Variants in MSI2 observed in about 807,000 individuals in gnomAD.
MSI2 encodes RNA-binding protein Musashi homolog 2.
In MSI2, 17 loss-of-function variants were observed where a neutral mutation model predicts 45.6. That is an observed-to-expected ratio of 0.37 (90% CI 0.26 to 0.56). MSI2 has a LOEUF of 0.56. Among genes scored for constraint, MSI2 ranks in the 20% least tolerant of loss-of-function variants. MSI2 has a pLI of 0.77. For missense variants in MSI2, 293 were observed against 444.2 expected (o/e 0.66, Z 3.06); for synonymous variants, 156 against 158.2 (o/e 0.99, Z 0.11).
intron 5 of MSI2, among the ~76,000 whole-genome samples, chr17:57,339,212 T>G (rs1914922926): frequency 6.6e-6 from 1 of 152,114 alleles, no homozygotes; most frequent in Non-Finnish European, 1.5e-5. Flanking sequence ...CACCACCCGG[T>G]TTCACTGAGC....
chr17:57,275,664 A>C (rs1264678534), intron 5 of MSI2, among the ~76,000 whole-genome samples: 1 of 152,178 alleles, frequency 6.6e-6, no homozygotes, highest in African/African-American at 2.4e-5. Context: ...GGGAACGGGG[A>C]ACAAGATCAT....
chr17:57,531,702 A>C (rs2086824346), intron 7 of MSI2: 1 of 152,168 alleles, frequency 6.6e-6, no homozygotes, highest in African/African-American at 2.4e-5. Context: ...CTGTGTGTCA[A>C]GCCCTGTGCT....
intron 6 of MSI2, among the ~76,000 whole-genome samples, chr17:57,445,644 G>A (rs923510638): frequency 1.3e-5 from 2 of 152,034 alleles, no homozygotes; most frequent in Non-Finnish European, 2.9e-5. Context: ...AGGGGAGTTG[G>A]TTCTATTAGA....
the MSI2 span, among the ~76,000 whole-genome samples, chr17:57,701,299 T>C: frequency 6.6e-6 from 1 of 152,208 alleles, no homozygotes; most frequent in African/African-American, 2.4e-5. Context: ...CCTGAATTCA[T>C]ATGCTGAAGC....
Position 57,677,112 on chromosome 17 carries a change from A to G in MSI2, c.*31+53A>G, listed in dbSNP as rs924603601. On this transcript the variant is annotated intron_variant, in intron 13 of 13. Transcript: ENST00000284073. The stretch of plus-strand genomic sequence containing the variant: ...GCCCTGCCGGTGTGTCCGTACATGT[A>G]TGTCCACAGGTCATACATGCACGTG... 9.5e-6 allele frequency: 12 copies of G among 1,258,050 alleles called. No individual in the cohort carries two copies. In the African/African-American group the frequency reaches 1.5e-4, roughly 15 times the overall value. 77.9% of individuals were successfully genotyped at this position (1,258,050 alleles called of 1,614,324 possible). A position where few individuals can be genotyped will look rare whatever the true frequency, so the allele number is the denominator to read the frequency against.
chr17:57,612,863 G>T (rs1293991304), intron 8 of MSI2, among the ~76,000 whole-genome samples: 1 of 152,186 alleles, frequency 6.6e-6, no homozygotes, highest in Non-Finnish European at 1.5e-5. Context: ...CTGGTTAGCG[G>T]TATTATTCCC....
At chr17:57,284,309 C>T (rs1909675105) in intron 5 of MSI2, among the ~76,000 whole-genome samples, 1 of 152,088 alleles carries the variant, frequency 6.6e-6, no homozygotes, top group South Asian at 2.1e-4. Context: ...TCCTGTGTTC[C>T]CCCTGCCCCT....
chr17:57,402,357 C>T (rs1018400541), intron 6 of MSI2, among the ~76,000 whole-genome samples: 1 of 152,180 alleles, frequency 6.6e-6, no homozygotes, highest in African/African-American at 2.4e-5. Context: ...TTGTGGACAT[C>T]GCGTGGGAGC....
intron 11 of MSI2, among the ~76,000 whole-genome samples, chr17:57,659,097 T>G (rs1001927511): frequency 3.3e-5 from 5 of 152,012 alleles, no homozygotes; most frequent in Admixed American, 3.3e-4. Context: ...GTTGTTGTTT[T>G]GAGACAGACT....
chr17:57,434,567 C>A (rs56400133), intron 6 of MSI2, among the ~76,000 whole-genome samples: 26,946 of 152,022 alleles, frequency 0.18, 2,996 homozygotes, highest in East Asian at 0.43. Flanking sequence ...CCATGCACCC[C>A]CATCCTCTGG....
chr17:57,488,180 C>T (rs1290908630), intron 6 of MSI2, among the ~76,000 whole-genome samples: 1 of 150,502 alleles, frequency 6.6e-6, no homozygotes, highest in Non-Finnish European at 1.5e-5. Flanking sequence ...ACTAAGATTA[C>T]TGGAGAAAAC....
intron 5 of MSI2, among the ~76,000 whole-genome samples, chr17:57,282,489 T>C (rs182046028): frequency 6.6e-6 from 1 of 152,082 alleles, no homozygotes; most frequent in East Asian, 1.9e-4. Flanking sequence ...GATAAAGAAG[T>C]GTGTGTGTGG....
intron 11 of MSI2, among the ~76,000 whole-genome samples, chr17:57,658,049 A>G (rs1454566265): frequency 6.6e-6 from 1 of 152,236 alleles, no homozygotes; most frequent in South Asian, 2.1e-4. Context: ...TCATTTCTGA[A>G]GATGGCTTTC....
chr17:57,519,560 A>G (rs2086542222), intron 6 of MSI2, among the ~76,000 whole-genome samples: 1 of 152,094 alleles, frequency 6.6e-6, no homozygotes, highest in African/African-American at 2.4e-5. Context: ...TCACTTATCT[A>G]AAAGGAAGAG....
chr17:57,632,342 C>A, intron 10 of MSI2: 1 of 1,066,750 alleles, frequency 9.4e-7, no homozygotes, highest in Non-Finnish European at 1.1e-6. Flanking sequence ...ATGTGAGAAA[C>A]CTGATCTGGA....
downstream of MSI2, among the ~76,000 whole-genome samples, chr17:57,687,581 C>CA (rs956032664): frequency 1.3e-5 from 2 of 151,864 alleles, no homozygotes; most frequent in African/African-American, 4.8e-5. Context: ...CTTAATATCA[C>CA]AAAAGATACT....
Position 57,473,505 on chromosome 17 carries a change from C to T in MSI2, c.406-56171C>T, listed in dbSNP as rs141893308. On this transcript the variant is annotated intron_variant, in intron 6 of 13. Coordinates refer to ENST00000284073, the MANE Select transcript of MSI2 (RefSeq NM_138962.4). ...AAAACAAACATTCCCTGACATGGGGCATTTCCGTCGGGGGGCCTCTGGGAA... is the reference window on the plus strand; with the variant it reads ...AAAACAAACATTCCCTGACATGGGGTATTTCCGTCGGGGGGCCTCTGGGAA... 6.7e-4 allele frequency among the ~76,000 whole-genome samples: 102 copies of T among 152,344 alleles called. No individual in the cohort carries two copies. The East Asian group carries it at 0.018, about 26-fold the overall frequency.
At chr17:57,347,238 G>T (rs1470476311) in intron 5 of MSI2, among the ~76,000 whole-genome samples, 1 of 152,174 alleles carries the variant, frequency 6.6e-6, no homozygotes, top group Admixed American at 6.5e-5. Context: ...TAATAAGGAT[G>T]CAGTGTGTTT....
At chr17:57,620,873 C>T (rs1598461670) in intron 9 of MSI2, among the ~76,000 whole-genome samples, 1 of 152,198 alleles carries the variant, frequency 6.6e-6, no homozygotes, top group East Asian at 1.9e-4. Context: ...GAATCAGATG[C>T]AGTGTCAAGT....
Sources: gnomAD v4.1 joint callset for allele counts (sites outside exome capture counted in the v4.1 genomes callset) on GRCh38, gnomAD v4.1.1 for gene constraint, MANE v1.5 for transcripts, NCBI Gene and HGNC (gene_info 2026-07-23, HGNC 2026-07-21) for gene names.